Variants in SLC7A14 observed in about 807,000 individuals in gnomAD.
The protein encoded by SLC7A14 is solute carrier family 7 member 14, also known as gamma-aminobutyric acid transporter SLC7A14.
In SLC7A14, 37 loss-of-function variants were observed where a neutral mutation model predicts 60.2. The observed-to-expected ratio is 0.61, with a 90% CI of 0.47 to 0.81. SLC7A14 has a LOEUF of 0.81. Among genes scored for constraint, SLC7A14 ranks in the 30% least tolerant of loss-of-function variants. The probability of loss-of-function intolerance (pLI) is 0.00; values close to 1 mark genes in which losing one functional copy is unlikely to be tolerated. For missense variants in SLC7A14, 886 were observed against 982.7 expected (o/e 0.90, Z 1.32); for synonymous variants, 399 against 395.8 (o/e 1.01, Z -0.10).
rs201585818 is a variant in SLC7A14 at position 170,510,403 on chromosome 3, AAT to A, written c.305-9060_305-9059del. 3.7e-4 allele frequency among the ~76,000 whole-genome samples: 51 copies of A among 138,080 alleles called. 3 individuals are homozygous for A. The highest frequency in any genetic ancestry group is 8.6e-4 in the African/African-American group (32 of 37,054). The allele number at this position is 138,080 out of a possible 152,430, so 90.6% of individuals were successfully genotyped here. A position where few individuals can be genotyped will look rare whatever the true frequency, so the allele number is the denominator to read the frequency against. On this transcript the variant is annotated intron_variant, in intron 2 of 7. Coordinates refer to ENST00000231706, the MANE Select transcript of SLC7A14 (RefSeq NM_020949.3). ...AGACTCTGTCAAAAAAAAAAAAATA[AAT>A]AAATAAATAAATAAATAAAGAATGT...
At chr3:170,563,438 G>C (rs1424160451) in intron 1 of SLC7A14, among the ~76,000 whole-genome samples, 1 of 111,812 alleles carries the variant, frequency 8.9e-6, no homozygotes, top group Non-Finnish European at 1.9e-5. Flanking sequence ...TTTTTTTTGA[G>C]ATGGAGTCTT....
chr3:170,520,921 C>A (rs1394216536), intron 2 of SLC7A14, among the ~76,000 whole-genome samples: 2 of 152,180 alleles, frequency 1.3e-5, no homozygotes, highest in Admixed American at 6.5e-5. Flanking sequence ...CATTAGAGAA[C>A]CTCTGTAAAC....
intron 4 of SLC7A14, among the ~76,000 whole-genome samples, chr3:170,492,506 A>C (rs948707230): frequency 5.3e-5 from 8 of 152,068 alleles, no homozygotes; most frequent in Non-Finnish European, 8.8e-5. Flanking sequence ...CTCTGCCTCA[A>C]AAAAAAGTAC....
intron 2 of SLC7A14, among the ~76,000 whole-genome samples, chr3:170,521,813 C>T (rs369861576): frequency 2.0e-5 from 3 of 151,712 alleles, no homozygotes; most frequent in Non-Finnish European, 4.4e-5. Context: ...CCCAGCTACT[C>T]GGGAGGCTGA....
At chr3:170,575,420 T>C (rs909798107) in intron 1 of SLC7A14, among the ~76,000 whole-genome samples, 2 of 152,190 alleles carry the variant, frequency 1.3e-5, no homozygotes, top group Non-Finnish European at 2.9e-5. Context: ...GCTCATGTGT[T>C]AGTGTACTGT....
At chr3:170,547,583 C>T (rs550333055) in intron 1 of SLC7A14, among the ~76,000 whole-genome samples, 1 of 151,856 alleles carries the variant, frequency 6.6e-6, no homozygotes, top group East Asian at 1.9e-4. Flanking sequence ...AGTGGATCAT[C>T]ATAAATATTT....
At chr3:170,508,454 A>C (rs943711158) in intron 2 of SLC7A14, among the ~76,000 whole-genome samples, 27 of 152,292 alleles carry the variant, frequency 1.8e-4, no homozygotes, top group Non-Finnish European at 2.4e-4. Context: ...TGTGTCTTAT[A>C]CTTCACACTG....
intron 7 of SLC7A14, among the ~76,000 whole-genome samples, chr3:170,478,379 A>G (rs1458033570): frequency 6.6e-6 from 1 of 152,066 alleles, no homozygotes; most frequent in African/African-American, 2.4e-5. Context: ...TGCCCAGCCA[A>G]GAGATTGTAA....
At chr3:170,583,562 G>A (rs116647396) in intron 1 of SLC7A14, among the ~76,000 whole-genome samples, 60 of 152,314 alleles carry the variant, frequency 3.9e-4, no homozygotes, top group African/African-American at 1.3e-3. Context: ...TCAATCATGT[G>A]ACTTAGACTA....
At chr3:170,541,283 C>A (rs1714008637) in intron 1 of SLC7A14, among the ~76,000 whole-genome samples, 1 of 152,142 alleles carries the variant, frequency 6.6e-6, no homozygotes. Context: ...TATTAAGCAA[C>A]TGTTAAAATA....
chr3:170,505,761 G>A (rs7633569), intron 2 of SLC7A14, among the ~76,000 whole-genome samples: 16,574 of 151,972 alleles, frequency 0.11, 1,480 homozygotes, highest in African/African-American at 0.24. Context: ...AGTGGCGGAC[G>A]CCTGTAGTCC....
chr3:170,537,743 C>T (rs538131609), intron 1 of SLC7A14, among the ~76,000 whole-genome samples: 10 of 152,332 alleles, frequency 6.6e-5, no homozygotes, highest in Non-Finnish European at 1.3e-4. Context: ...AGAGCCTGAG[C>T]GCTGAAGTGG....
intron 7 of SLC7A14, among the ~76,000 whole-genome samples, chr3:170,471,489 T>C (rs1027038221): frequency 1.3e-5 from 2 of 152,188 alleles, no homozygotes; most frequent in Non-Finnish European, 2.9e-5. Flanking sequence ...AAAAGCAGTA[T>C]CATCACAACT....
At chr3:170,467,764 G>T (rs953373073) in intron 7 of SLC7A14, among the ~76,000 whole-genome samples, 2 of 152,098 alleles carry the variant, frequency 1.3e-5, no homozygotes, top group Non-Finnish European at 2.9e-5. Flanking sequence ...CACTCATATA[G>T]CTGCCAGCCA....
At chr3:170,510,075 C>CAAA (rs34579714) in intron 2 of SLC7A14, among the ~76,000 whole-genome samples, 4 of 78,552 alleles carry the variant, frequency 5.1e-5, no homozygotes, top group African/African-American at 1.4e-4. Context: ...AACTCTGTCT[C>CAAA]AAAAAAAAAA....
rs1393906850 is a variant in SLC7A14 at position 170,535,722 on chromosome 3, G to T, written c.-152-8634C>A. ...TCACTGTGGGTTGGCTGTGGCTCCAGCCAGGTGGCCCTCTCCACATAGCCC... is the reference window on the plus strand; with the variant it reads ...TCACTGTGGGTTGGCTGTGGCTCCATCCAGGTGGCCCTCTCCACATAGCCC... On this transcript the variant is annotated intron_variant, in intron 1 of 7. Coordinates refer to ENST00000231706, the MANE Select transcript of SLC7A14 (RefSeq NM_020949.3). The surrounding 1 kb of genome is among the most constrained non-coding windows in gnomAD (Gnocchi z 4.3). Among the ~76,000 whole-genome samples, 4 of 152,190 alleles carry T rather than the reference G, an allele frequency of 2.6e-5. No homozygotes were observed. The highest frequency in any genetic ancestry group is 5.9e-5 in the Non-Finnish European group (4 of 68,036).
At chr3:170,551,751 T>C (rs1330782487) in intron 1 of SLC7A14, among the ~76,000 whole-genome samples, 3 of 152,248 alleles carry the variant, frequency 2.0e-5, no homozygotes, top group Admixed American at 6.5e-5. Context: ...CTTTTTATTG[T>C]TGAGTCATAA....
intron 1 of SLC7A14, among the ~76,000 whole-genome samples, chr3:170,530,879 G>A (rs1227892423): frequency 6.6e-6 from 1 of 152,224 alleles, no homozygotes; most frequent in Non-Finnish European, 1.5e-5. Flanking sequence ...CTGGAATCGA[G>A]GAGAGAGGCC....
intron 2 of SLC7A14, among the ~76,000 whole-genome samples, chr3:170,526,153 G>T (rs1022534889): frequency 6.6e-6 from 1 of 151,536 alleles, no homozygotes; most frequent in Non-Finnish European, 1.5e-5. Flanking sequence ...TGTAATTCCA[G>T]CACTTTGGAA....
Sources: allele counts gnomAD v4.1 joint callset (sites outside exome capture counted in the v4.1 genomes callset), GRCh38; gene constraint gnomAD v4.1.1; non-coding constraint Gnocchi (gnomAD v3.1); transcripts MANE v1.5; gene names NCBI Gene and HGNC (gene_info 2026-07-23, HGNC 2026-07-21).